EPHB1: variants seen among roughly 807,000 people sequenced by gnomAD.
EPHB1 encodes the protein EPH receptor B1.
EPHB1 carries 30 observed loss-of-function variants against 94.4 expected under a neutral mutation model. The observed-to-expected ratio is 0.32, with a 90% CI of 0.24 to 0.43. The LOEUF (loss-of-function observed/expected upper bound fraction) is 0.43. EPHB1 is among the 20% of genes least tolerant of loss of function. EPHB1 has a pLI of 1.00. For synonymous variants in EPHB1, 522 were observed against 489.1 expected, an observed-to-expected ratio of 1.07 and a Z score of -0.89; for missense variants, 1,055 against 1,308.3, an observed-to-expected ratio of 0.81 and a Z score of 2.99.
At chr3:135,174,707 T>G (rs1941925387) in intron 9 of EPHB1, among the ~76,000 whole-genome samples, 1 of 152,196 alleles carries the variant, frequency 6.6e-6, no homozygotes, top group African/African-American at 2.4e-5. Context: ...GAAGATTGGA[T>G]GAAGTCCCTG....
intron 1 of EPHB1, among the ~76,000 whole-genome samples, chr3:134,860,640 C>T (rs1392233422): frequency 6.6e-6 from 1 of 152,010 alleles, no homozygotes; most frequent in African/African-American, 2.4e-5. Context: ...CGGTGAAACC[C>T]CATCTCTACC....
At chr3:135,043,038 C>T (rs1028596605) in intron 3 of EPHB1, among the ~76,000 whole-genome samples, 18 of 151,764 alleles carry the variant, frequency 1.2e-4, no homozygotes, top group Middle Eastern at 3.2e-3. Context: ...AGACAAGTTT[C>T]GCCACATTGC....
At chr3:134,830,316 C>T (rs930646013) in intron 1 of EPHB1, among the ~76,000 whole-genome samples, 1 of 152,218 alleles carries the variant, frequency 6.6e-6, no homozygotes, top group Non-Finnish European at 1.5e-5. Context: ...GGAATTAACA[C>T]ACATACAATA....
intron 3 of EPHB1, among the ~76,000 whole-genome samples, chr3:134,971,884 A>G (rs1160850183): frequency 1.3e-5 from 2 of 152,156 alleles, no homozygotes; most frequent in Non-Finnish European, 2.9e-5. Flanking sequence ...TTCTTTTTTG[A>G]TAAATTTGTT....
chr3:135,211,692 A>G (rs2107716416), intron 12 of EPHB1, among the ~76,000 whole-genome samples: 1 of 152,310 alleles, frequency 6.6e-6, no homozygotes, highest in Middle Eastern at 3.4e-3. Flanking sequence ...CATATATATA[A>G]GTATGCACAC....
rs1255019459 is a variant in EPHB1, at chr3:135,052,778, G to A, written c.806-53670G>A. 6.5e-5 allele frequency among the ~76,000 whole-genome samples: 9 copies of A among 139,000 alleles called. No homozygotes were observed. In the South Asian group the frequency reaches 9.7e-4, roughly 15 times the overall value. 91.2% of individuals were successfully genotyped at this position (139,000 alleles called of 152,430 possible). On this transcript the variant is annotated intron_variant, in intron 3 of 15. Coordinates refer to ENST00000398015, the MANE Select transcript of EPHB1 (RefSeq NM_004441.5). ...CGGGAGGCTGAGGCAGGAGAATGGCGTGAACCCGGGAGGCGGAGCTTGCAG... is the reference window on the plus strand; with the variant it reads ...CGGGAGGCTGAGGCAGGAGAATGGCATGAACCCGGGAGGCGGAGCTTGCAG...
chr3:135,166,170 C>T (rs546747470), intron 8 of EPHB1, 94 bp downstream of exon 8: 45 of 812,130 alleles, frequency 5.5e-5, no homozygotes, highest in Non-Finnish European at 9.3e-5. Context: ...AGGGTGTGAC[C>T]ATTCACGACC....
chr3:135,175,740 A>G (rs1274942723), intron 9 of EPHB1, among the ~76,000 whole-genome samples: 1 of 152,342 alleles, frequency 6.6e-6, no homozygotes, highest in East Asian at 1.9e-4. Flanking sequence ...AAAATGCTTT[A>G]CATTATAGGT....
chr3:134,851,143 G>A (rs1195480701), intron 1 of EPHB1, among the ~76,000 whole-genome samples: 1 of 152,258 alleles, frequency 6.6e-6, no homozygotes, highest in Non-Finnish European at 1.5e-5. Context: ...AAAGGCTGGA[G>A]TTCTCAGGGC....
At chr3:135,133,139 GC>G in intron 5 of EPHB1, 90 bp downstream of exon 5, 1 of 1,292,122 alleles carries the variant, frequency 7.7e-7, no homozygotes, top group Non-Finnish European at 1.1e-6. Flanking sequence ...CACCCATCCT[GC>G]CCGTGTACTG....
chr3:134,841,798 G>T (rs1462574573), intron 1 of EPHB1, among the ~76,000 whole-genome samples: 4 of 152,188 alleles, frequency 2.6e-5, no homozygotes, highest in African/African-American at 9.7e-5. Flanking sequence ...GGAACTTGGG[G>T]TGATTGGTAT....
chr3:135,005,606 C>G (rs849853), intron 3 of EPHB1, among the ~76,000 whole-genome samples: 4 of 152,130 alleles, frequency 2.6e-5, no homozygotes, highest in East Asian at 3.9e-4. Flanking sequence ...TAGCAATCAG[C>G]GAGACTCCGT....
chr3:134,934,925 A>G (rs984979128), intron 2 of EPHB1, among the ~76,000 whole-genome samples: 9 of 152,130 alleles, frequency 5.9e-5, no homozygotes, highest in Non-Finnish European at 1.2e-4. Flanking sequence ...CCTTCTCCCT[A>G]TTGGAGGAAT....
At position 134,993,553 on chromosome 3, in the gene EPHB1, C is replaced by T. The variant is rs561738897; in HGVS notation, c.805+41501C>T. On this transcript the variant is annotated intron_variant, in intron 3 of 15. Coordinates refer to ENST00000398015, the MANE Select transcript of EPHB1 (RefSeq NM_004441.5). ...TCAGCACTTTCTTGGGGGACCTGCA[C>T]TGGCCCCAGTACAAGGAGCCCAGAA... Among the ~76,000 whole-genome samples, 4 of 152,276 alleles carry T rather than the reference C, an allele frequency of 2.6e-5. No individual in the cohort carries two copies. The South Asian group carries it at 8.3e-4, about 32-fold the overall frequency.
Position 135,046,909 on chromosome 3 carries a change from C to T in EPHB1, c.806-59539C>T, listed in dbSNP as rs560258758. Among the ~76,000 whole-genome samples the T allele has an allele frequency of 9.8e-5, 15 of 152,310 alleles. No individual in the cohort carries two copies. In the East Asian group the frequency reaches 2.7e-3, roughly 27 times the overall value. On this transcript the variant is annotated intron_variant, in intron 3 of 15. Coordinates refer to ENST00000398015, the MANE Select transcript of EPHB1 (RefSeq NM_004441.5). The stretch of plus-strand genomic sequence containing the variant: ...ATTCTTATTGTAAAAGGCAAGGAAA[C>T]ACAGACTATTTTTTATTTTACTGAA...
chr3:135,192,593 T>A lies in EPHB1; in HGVS notation c.1900T>A (p.Tyr634Asn). ...VIGAGEFGEV[Y>N]KGRLKLPGKR... ...TGTTGCAGGGGAGTTTGGAGAAGTG[T>A]ACAAGGGGCGTTTGAAACTGCCAGG... The change falls in exon 11 of 16, where the codon TAC becomes AAC. Residue 634 changes from tyrosine to asparagine, a missense_variant. Transcript: ENST00000398015. The A allele has an allele frequency of 1.2e-6, 2 of 1,613,724 alleles. No individual in the cohort carries two copies. Among genetic ancestry groups the A allele is most frequent in the Non-Finnish European group, 8.5e-7 (1 of 1,179,836 alleles).
intron 3 of EPHB1, among the ~76,000 whole-genome samples, chr3:134,990,577 T>C (rs1934759813): frequency 6.6e-6 from 1 of 152,198 alleles, no homozygotes. Context: ...ACTAGTTTTA[T>C]CTGTCAGTAT....
At position 134,869,746 on chromosome 3, in the gene EPHB1, GT is replaced by G. The variant is rs201794236; in HGVS notation, c.59-56061del. Among the ~76,000 whole-genome samples, 591 of 147,274 alleles carry G rather than the reference GT, an allele frequency of 4.0e-3. 4 individuals carry two copies. The highest frequency in any genetic ancestry group is 0.014 in the African/African-American group (541 of 39,042). ...CTTACTCTATACAAAAGTGATAGCA[GT>G]TTTTTTTTAGCAACTTGCATTTGTT... On this transcript the variant is annotated intron_variant, in intron 1 of 15. Coordinates refer to ENST00000398015, the MANE Select transcript of EPHB1 (RefSeq NM_004441.5).
At chr3:134,945,403 G>T (rs894312502) in intron 2 of EPHB1, among the ~76,000 whole-genome samples, 3 of 152,068 alleles carry the variant, frequency 2.0e-5, no homozygotes, top group African/African-American at 7.2e-5. Context: ...AATTTATTCT[G>T]GAGTAAGGTA....
Sources: gnomAD v4.1 joint callset for allele counts (sites outside exome capture counted in the v4.1 genomes callset) on GRCh38, gnomAD v4.1.1 for gene constraint, MANE v1.5 for transcripts, NCBI Gene and HGNC (gene_info 2026-07-23, HGNC 2026-07-21) for gene names.